The following CUL2 variants were observed in gnomAD, a reference collection of about 807,000 sequenced individuals.
CUL2 encodes the protein cullin-2.
Under a neutral mutation model 110.2 loss-of-function variants are expected in CUL2, and 22 were observed. That is an observed-to-expected ratio of 0.20 (90% CI 0.14 to 0.28). The LOEUF is 0.28. Ranked by LOEUF, CUL2 falls within the 10% of genes least tolerant of loss-of-function variation. CUL2 has a pLI of 1.00. For missense variants in CUL2, 631 were observed against 905.5 expected, an observed-to-expected ratio of 0.70 and a Z score of 3.89; for synonymous variants, 279 against 293.2, an observed-to-expected ratio of 0.95 and a Z score of 0.49.
At chr10:35,069,176 T>A (rs547578879) in intron 2 of CUL2, among the ~76,000 whole-genome samples, 22 of 152,262 alleles carry the variant, frequency 1.4e-4, no homozygotes, top group Middle Eastern at 3.4e-3. Context: ...CTGTACTCTT[T>A]AATCATTATT....
intron 5 of CUL2, 33 bp from the exon 6 acceptor site, chr10:35,049,798 A>G: frequency 7.1e-7 from 1 of 1,408,774 alleles, no homozygotes; most frequent in Non-Finnish European, 1.0e-6. Context: ...TCAGGGCTGA[A>G]TTACTTAGTA....
chr10:35,073,907 G>T (rs1271771508), intron 1 of CUL2, among the ~76,000 whole-genome samples: 1 of 152,094 alleles, frequency 6.6e-6, no homozygotes, highest in Non-Finnish European at 1.5e-5. Context: ...CGCCTGACCT[G>T]TTCTCCCCAT....
intron 1 of CUL2, among the ~76,000 whole-genome samples, chr10:35,085,671 C>A (rs1339420061): frequency 6.9e-6 from 1 of 144,252 alleles, no homozygotes; most frequent in Non-Finnish European, 1.5e-5. Context: ...AACCCGGGAA[C>A]CAGAGACACA....
upstream of CUL2, among the ~76,000 whole-genome samples, chr10:35,095,280 T>C (rs2087278336): frequency 6.7e-6 from 1 of 148,508 alleles, no homozygotes; most frequent in Non-Finnish European, 1.5e-5. Flanking sequence ...ACCGAGATCA[T>C]GCCACTGCAC....
chr10:35,046,531 T>C (rs897243976), intron 6 of CUL2, among the ~76,000 whole-genome samples: 3 of 152,158 alleles, frequency 2.0e-5, no homozygotes, highest in African/African-American at 2.4e-5. Flanking sequence ...TCTGAGTTCA[T>C]CCTGGTAAAG....
chr10:35,025,008 T>C (rs2085299331), intron 17 of CUL2, 124 bp downstream of exon 17: 36 of 1,279,486 alleles, frequency 2.8e-5, no homozygotes, highest in Non-Finnish European at 3.5e-5. Context: ...GTTGCTTTAA[T>C]GGGGAAAGGT....
chr10:35,013,901 C>A, intron 18 of CUL2, 101 bp from the exon 19 acceptor site: 1 of 768,342 alleles, frequency 1.3e-6, no homozygotes. Flanking sequence ...AGCAAAAAAG[C>A]CTCCACTCTC....
rs1240528539 is a variant in CUL2 at position 35,074,001 on chromosome 10, A to C, written c.-22-2662T>G. On this transcript the variant is annotated intron_variant, in intron 1 of 20. Coordinates refer to ENST00000374749, the MANE Select transcript of CUL2 (RefSeq NM_003591.4). ...CTATGTAATGGTGGCATCAGGATTC[A>C]GACCCGTGCTGCGGCCGGTGCTCTA... 4 of 704,978 alleles carry C rather than the reference A, an allele frequency of 5.7e-6. No homozygotes were observed. The Admixed American group carries it at 8.0e-5, about 14-fold the overall frequency. The allele number at this position is 704,978 out of a possible 1,614,324, so 43.7% of individuals were successfully genotyped here. A position where few individuals can be genotyped will look rare whatever the true frequency, so the allele number is the denominator to read the frequency against.
At chr10:35,102,884 GA>G (rs750018715) in intron 1 of CUL2, among the ~76,000 whole-genome samples, 6,850 of 108,398 alleles carry the variant, frequency 0.063, 300 homozygotes, top group African/African-American at 0.16. Context: ...CTCTGTCTCA[GA>G]AAAAAAAAAA....
At position 35,021,460 on chromosome 10, in the gene CUL2, TACACACACAC is replaced by T. The variant is rs562193794; in HGVS notation, c.1684+3662_1684+3671del. 3.0e-3 allele frequency among the ~76,000 whole-genome samples: 421 copies of T among 140,728 alleles called. 1 individual carries two copies. Among genetic ancestry groups the T allele is most frequent in the African/African-American group, 0.013 (402 of 31,522 alleles). 92.3% of individuals were successfully genotyped at this position (140,728 alleles called of 152,430 possible). ...ATATATATACACACACACACATACA[TACACACACAC>T]AAATATGTAGTGATAAAACTATATA... is the stretch of plus-strand genomic sequence containing the variant. On this transcript the variant is annotated intron_variant, in intron 17 of 20. Transcript: ENST00000374749.
chr10:35,098,838 G>A lies in CUL2; in HGVS notation c.167+2006C>T, dbSNP rs559185156. On this transcript the variant is annotated intron_variant, in intron 2 of 5. Transcript: ENST00000685421. ...AATCCCAGTTACTTGGGAGGCTGAC[G>A]CAGGAGAATTGCTTGAACCTAGGAG... Among the ~76,000 whole-genome samples the A allele has an allele frequency of 1.2e-4, 19 of 152,290 alleles. 1 individual carries two copies. Among genetic ancestry groups the A allele is most frequent in the Non-Finnish European group, 1.9e-4 (13 of 68,030 alleles).
At chr10:35,101,401 C>A (rs2087375625) in intron 1 of CUL2, among the ~76,000 whole-genome samples, 1 of 152,156 alleles carries the variant, frequency 6.6e-6, no homozygotes, top group Non-Finnish European at 1.5e-5. Context: ...CAACATCTAG[C>A]CATACACAGG....
intron 1 of CUL2, among the ~76,000 whole-genome samples, chr10:35,114,394 G>GT (rs909609100): frequency 1.3e-5 from 2 of 149,790 alleles, no homozygotes; most frequent in African/African-American, 4.9e-5. Flanking sequence ...GTTGTTTTTT[G>GT]TTTTTTTGAG....
At position 35,029,373 on chromosome 10, in the gene CUL2, T is replaced by C. The variant is rs964327728; in HGVS notation, c.1539+115A>G. 16 of 745,540 alleles carry C rather than the reference T, an allele frequency of 2.1e-5. No individual in the cohort carries two copies. In the South Asian group the frequency reaches 4.1e-4, roughly 19 times the overall value. 46.2% of individuals were successfully genotyped at this position (745,540 alleles called of 1,614,324 possible). A position where few individuals can be genotyped will look rare whatever the true frequency, so the allele number is the denominator to read the frequency against. ...CGCCCAGCCCAAATCAATAGGACTT[T>C]AGAAGCCACAATCTACTCACAGAAC... On this transcript the variant is annotated intron_variant, in intron 15 of 20. Transcript: ENST00000374749.
At chr10:35,021,891 T>C (rs1235465373) in intron 17 of CUL2, among the ~76,000 whole-genome samples, 1 of 51,202 alleles carries the variant, frequency 2.0e-5, no homozygotes, top group Admixed American at 2.7e-4. Flanking sequence ...TGAGGTGGGG[T>C]GAGGTGGGGT....
At position 35,033,109 on chromosome 10, in the gene CUL2, C is replaced by T. The variant is rs1037474471; in HGVS notation, c.1110+57G>A. The T allele has an allele frequency of 1.1e-5, 11 of 1,034,524 alleles. No homozygotes were observed. The African/African-American group carries it at 1.8e-4, about 17-fold the overall frequency. 64.1% of individuals were successfully genotyped at this position (1,034,524 alleles called of 1,614,324 possible). A position where few individuals can be genotyped will look rare whatever the true frequency, so the allele number is the denominator to read the frequency against. ...TACTAGAATTCTGATCTTGAAACTG[C>T]CTAAAGAATGATAGAGTTTTATGTA... On this transcript the variant is annotated intron_variant, in intron 11 of 20. Transcript: ENST00000374749.
intron 16 of CUL2, among the ~76,000 whole-genome samples, chr10:35,028,164 T>A (rs1248427226): frequency 6.6e-6 from 1 of 152,234 alleles, no homozygotes; most frequent in Non-Finnish European, 1.5e-5. Context: ...CCAATGAATG[T>A]CTGCACAAAT....
At chr10:35,041,315 G>A (rs1016551871) in intron 8 of CUL2, among the ~76,000 whole-genome samples, 1 of 152,070 alleles carries the variant, frequency 6.6e-6, no homozygotes, top group Non-Finnish European at 1.5e-5. Context: ...AGAGAGAGGC[G>A]CATATCAAGA....
intron 2 of CUL2, 95 bp from the exon 3 acceptor site, chr10:35,063,157 TCTTTTTGTGGTTTAGCTTATAATATA>T: frequency 1.4e-6 from 1 of 721,596 alleles, no homozygotes; most frequent in South Asian, 1.8e-5. Flanking sequence ...AAAAAACATT[TCTTTTTGTGGTTTAGCTTATAATATA>T]CATAATACTG....
Sources: gnomAD v4.1 joint callset for allele counts (sites outside exome capture counted in the v4.1 genomes callset) on GRCh38, gnomAD v4.1.1 for gene constraint, MANE v1.5 for transcripts, NCBI Gene and HGNC (gene_info 2026-07-23, HGNC 2026-07-21) for gene names.